NELL1: variants seen among roughly 807,000 people sequenced by gnomAD.
The protein encoded by NELL1 is protein kinase C-binding protein NELL1.
NELL1 carries 76 observed loss-of-function variants against 107.4 expected under a neutral mutation model. That is an observed-to-expected ratio of 0.71 (90% CI 0.59 to 0.86). The LOEUF (loss-of-function observed/expected upper bound fraction) is 0.86. NELL1 is among the 40% of genes least tolerant of loss of function. The probability of loss-of-function intolerance (pLI) is 0.00; values close to 1 mark genes in which losing one functional copy is unlikely to be tolerated. For missense variants in NELL1, 1,024 were observed against 1,005.5 expected, an observed-to-expected ratio of 1.02 and a Z score of -0.25; for synonymous variants, 353 against 341.2, an observed-to-expected ratio of 1.03 and a Z score of -0.38.
intron 13 of NELL1, among the ~76,000 whole-genome samples, chr11:21,193,861 A>G (rs1857096721): frequency 6.6e-6 from 1 of 151,886 alleles, no homozygotes; most frequent in African/African-American, 2.4e-5. Flanking sequence ...ACTTTGATGG[A>G]GAAAATATTT....
At chr11:21,396,242 G>A (rs563319102) in intron 15 of NELL1, among the ~76,000 whole-genome samples, 2 of 151,604 alleles carry the variant, frequency 1.3e-5, no homozygotes, top group South Asian at 2.1e-4. Context: ...TTGAAGGCAA[G>A]CATTTTCTAA....
intron 19 of NELL1, 21 bp from the exon 20 acceptor site, chr11:21,574,951 A>C: frequency 6.2e-7 from 1 of 1,607,346 alleles, no homozygotes; most frequent in East Asian, 2.2e-5. Flanking sequence ...ACTGGCTAAC[A>C]CATGTTTCTT....
chr11:21,493,857 C>T (rs1854902393), intron 15 of NELL1, among the ~76,000 whole-genome samples: 1 of 152,004 alleles, frequency 6.6e-6, no homozygotes, highest in African/African-American at 2.4e-5. Context: ...AACATTCACT[C>T]ATACCCTATA....
intron 12 of NELL1, among the ~76,000 whole-genome samples, chr11:20,985,112 T>G (rs1851826118): frequency 6.6e-6 from 1 of 152,208 alleles, no homozygotes; most frequent in African/African-American, 2.4e-5. Flanking sequence ...TACCTGTTGT[T>G]AGATATATCT....
intron 14 of NELL1, among the ~76,000 whole-genome samples, chr11:21,347,865 A>G (rs1850718454): frequency 6.6e-6 from 1 of 152,164 alleles, no homozygotes; most frequent in African/African-American, 2.4e-5. Context: ...TGGCATTGGT[A>G]GTATGTGGAG....
chr11:21,401,492 C>A (rs1366069362), intron 15 of NELL1, among the ~76,000 whole-genome samples: 1 of 151,768 alleles, frequency 6.6e-6, no homozygotes, highest in Non-Finnish European at 1.5e-5. Context: ...CTAACATCAG[C>A]AATTTAGTTA....
chr11:20,758,187 C>T (rs1391725953), intron 2 of NELL1, among the ~76,000 whole-genome samples: 1 of 152,154 alleles, frequency 6.6e-6, no homozygotes, highest in East Asian at 1.9e-4. Flanking sequence ...GTCCCTGCCT[C>T]CTAAAATTCA....
intron 14 of NELL1, among the ~76,000 whole-genome samples, chr11:21,298,805 A>G (rs1849430363): frequency 6.6e-6 from 1 of 152,008 alleles, no homozygotes; most frequent in African/African-American, 2.4e-5. Context: ...AGCAGCAACA[A>G]CAACATTTCC....
In NELL1 at chr11:21,235,752, C is replaced by T. The variant is rs148894192; in HGVS notation, c.1549+6298C>T. Reference sequence around the variant, plus strand: ...ACAAAGTGCTCTTAACACAGGGATACAAATTTTTAACATACAATGGTAAGA... The same window carrying T: ...ACAAAGTGCTCTTAACACAGGGATATAAATTTTTAACATACAATGGTAAGA... On this transcript the variant is annotated intron_variant, in intron 14 of 19. Coordinates refer to ENST00000357134, the MANE Select transcript of NELL1 (RefSeq NM_006157.5). Among the ~76,000 whole-genome samples the T allele has an allele frequency of 3.8e-3, 573 of 152,150 alleles. 1 individual carries two copies. The highest frequency in any genetic ancestry group is 0.013 in the African/African-American group (556 of 41,510).
intron 12 of NELL1, among the ~76,000 whole-genome samples, chr11:21,020,541 T>C (rs1364708782): frequency 6.6e-6 from 1 of 152,028 alleles, no homozygotes; most frequent in African/African-American, 2.4e-5. Context: ...TTTTAAAAGA[T>C]GACAAAGCAG....
At chr11:21,427,481 C>A (rs1192903048) in intron 15 of NELL1, among the ~76,000 whole-genome samples, 1 of 152,216 alleles carries the variant, frequency 6.6e-6, no homozygotes, top group Non-Finnish European at 1.5e-5. Context: ...AAACTTCAAT[C>A]ATGAAAACCT....
At chr11:20,755,533 G>GTTTTTTTTTTT (rs1564894850) in intron 2 of NELL1, among the ~76,000 whole-genome samples, 1 of 60,630 alleles carries the variant, frequency 1.6e-5, no homozygotes, top group African/African-American at 4.3e-5. Flanking sequence ...GACCTGTGTG[G>GTTTTTTTTTTT]GTTTTTGTTT....
At chr11:21,307,868 T>TA (rs139575872) in intron 14 of NELL1, among the ~76,000 whole-genome samples, 2,700 of 152,132 alleles carry the variant, frequency 0.018, 88 homozygotes, top group African/African-American at 0.062. Context: ...AAAAAACAAG[T>TA]AACCTTGTAC....
Position 21,102,366 on chromosome 11 carries a change from A to G in NELL1, c.1301-11223A>G, listed in dbSNP as rs534721233. Among the ~76,000 whole-genome samples, 198 of 152,234 alleles carry G rather than the reference A, an allele frequency of 1.3e-3. 1 individual carries two copies. The highest frequency in any genetic ancestry group is 4.2e-3 in the African/African-American group (175 of 41,546). On this transcript the variant is annotated intron_variant, in intron 12 of 19. Coordinates refer to ENST00000357134, the MANE Select transcript of NELL1 (RefSeq NM_006157.5). ...TCTAGACCCAGTTTTTCACCCCCTT[A>G]GAGGTAATGTCACTCTAGTTGAGAC... is the stretch of plus-strand genomic sequence containing the variant.
chr11:20,901,747 C>T (rs1056569060), intron 5 of NELL1, among the ~76,000 whole-genome samples: 41 of 152,062 alleles, frequency 2.7e-4, no homozygotes, highest in Admixed American at 6.6e-5. Flanking sequence ...TTAATCAGCA[C>T]ATGAACCAAG....
rs186758452 is a variant in NELL1, at chr11:21,564,481, G to A, written c.1980+4099G>A. 2.7e-4 allele frequency among the ~76,000 whole-genome samples: 41 copies of A among 152,000 alleles called. No homozygotes were observed. In the East Asian group the frequency reaches 7.6e-3, roughly 28 times the overall value. ...TAAGAGTAAGAACCAGGGTCTGCAA[G>A]TTGGGCTTGTATACTACTACATCTA... On this transcript the variant is annotated intron_variant, in intron 17 of 19. Transcript: ENST00000357134.
At chr11:21,339,761 G>T (rs2133700765) in intron 14 of NELL1, among the ~76,000 whole-genome samples, 1 of 152,202 alleles carries the variant, frequency 6.6e-6, no homozygotes, top group African/African-American at 2.4e-5. Flanking sequence ...CACCTTTCTG[G>T]GCTCAAGTGC....
chr11:20,801,078 A>C (rs2134002218), intron 3 of NELL1, among the ~76,000 whole-genome samples: 1 of 152,304 alleles, frequency 6.6e-6, no homozygotes, highest in Middle Eastern at 3.4e-3. Context: ...CACAGTCCCT[A>C]GTTCTCTCAG....
chr11:21,508,761 T>C (rs1443714299), intron 15 of NELL1, among the ~76,000 whole-genome samples: 1 of 150,228 alleles, frequency 6.7e-6, no homozygotes, highest in Non-Finnish European at 1.5e-5. Context: ...TCATCTCAAA[T>C]AGAAAAATAT....
Sources: gnomAD v4.1 joint callset for allele counts (sites outside exome capture counted in the v4.1 genomes callset) on GRCh38, gnomAD v4.1.1 for gene constraint, MANE v1.5 for transcripts, NCBI Gene and HGNC (gene_info 2026-07-23, HGNC 2026-07-21) for gene names.